TYW1: variants seen among roughly 807,000 people sequenced by gnomAD.
TYW1 encodes the protein S-adenosyl-L-methionine-dependent tRNA 4-demethylwyosine synthase TYW1.
Under a neutral mutation model 96.2 loss-of-function variants are expected in TYW1, and 46 were observed. The observed-to-expected ratio is 0.48, with a 90% CI of 0.38 to 0.61. TYW1 has a LOEUF of 0.61. Ranked by LOEUF, TYW1 falls within the 20% of genes least tolerant of loss-of-function variation. The pLI, the probability that TYW1 is intolerant of heterozygous loss-of-function variation, is 0.00. For synonymous variants in TYW1, 274 were observed against 323.0 expected (o/e 0.85, Z 1.63); for missense variants, 684 against 909.6 (o/e 0.75, Z 3.19).
chr7:67,059,674 T>C (rs1795636141), intron 9 of TYW1, among the ~76,000 whole-genome samples: 1 of 150,584 alleles, frequency 6.6e-6, no homozygotes, highest in South Asian at 2.1e-4. Context: ...TTTCTTAACA[T>C]TAGTGATTCC....
chr7:67,202,983 T>C (rs1014719796), intron 15 of TYW1, among the ~76,000 whole-genome samples: 1 of 152,236 alleles, frequency 6.6e-6, no homozygotes, highest in East Asian at 1.9e-4. Flanking sequence ...ATAGACCTTA[T>C]TCAGATTTCA....
At chr7:67,211,036 A>T (rs1185895644) in intron 15 of TYW1, among the ~76,000 whole-genome samples, 3 of 151,116 alleles carry the variant, frequency 2.0e-5, no homozygotes, top group Non-Finnish European at 4.4e-5. Flanking sequence ...TTTTTTACCT[A>T]GGGTTATAAT....
At chr7:67,155,861 C>G (rs978425430) in intron 13 of TYW1, among the ~76,000 whole-genome samples, 2 of 151,682 alleles carry the variant, frequency 1.3e-5, no homozygotes, top group African/African-American at 4.8e-5. Flanking sequence ...TATGGATTAG[C>G]TTTCAGAGGC....
At chr7:67,227,631 A>G (rs1563080601) in intron 15 of TYW1, among the ~76,000 whole-genome samples, 2 of 151,830 alleles carry the variant, frequency 1.3e-5, no homozygotes, top group Non-Finnish European at 1.5e-5. Flanking sequence ...TATTGGCTCA[A>G]CCTCTGGAGG....
intron 8 of TYW1, among the ~76,000 whole-genome samples, chr7:67,055,077 C>A (rs2115586048): frequency 6.6e-6 from 1 of 152,234 alleles, no homozygotes; most frequent in African/African-American, 2.4e-5. Context: ...TGAAATATAT[C>A]ATTACTTTTG....
intron 7 of TYW1, among the ~76,000 whole-genome samples, chr7:67,038,196 A>G (rs1233259877): frequency 6.6e-6 from 1 of 152,146 alleles, no homozygotes; most frequent in Non-Finnish European, 1.5e-5. Context: ...CCAACTACTC[A>G]GGAGGCTGAG....
chr7:67,190,882 A>C (rs1800184636), intron 14 of TYW1, among the ~76,000 whole-genome samples: 1 of 152,234 alleles, frequency 6.6e-6, no homozygotes, highest in Non-Finnish European at 1.5e-5. Flanking sequence ...TAGAATATCA[A>C]ATAGTCAAAC....
intron 8 of TYW1, among the ~76,000 whole-genome samples, chr7:67,053,984 A>G (rs1795437785): frequency 6.6e-6 from 1 of 152,220 alleles, no homozygotes; most frequent in Non-Finnish European, 1.5e-5. Context: ...TCTTTGCTAC[A>G]TGGCCTGGAA....
intron 15 of TYW1, among the ~76,000 whole-genome samples, chr7:67,199,524 G>T (rs1367103748): frequency 6.6e-6 from 1 of 152,164 alleles, no homozygotes; most frequent in Non-Finnish European, 1.5e-5. Flanking sequence ...GTTCCTGCCT[G>T]ATAAAATGTT....
intron 8 of TYW1, 74 bp from the exon 9 acceptor site, chr7:67,055,761 C>A: frequency 8.0e-7 from 1 of 1,252,986 alleles, no homozygotes; most frequent in Non-Finnish European, 1.1e-6. Flanking sequence ...AAAATTTTTG[C>A]TAAATTTTAA....
At chr7:67,096,459 C>A (rs1358952071) in intron 11 of TYW1, among the ~76,000 whole-genome samples, 2 of 152,126 alleles carry the variant, frequency 1.3e-5, no homozygotes, top group African/African-American at 4.8e-5. Flanking sequence ...ACACGCTTCT[C>A]CCCTAGGCCC....
At position 67,043,305 on chromosome 7, in the gene TYW1, G is replaced by C. The variant is rs1795086995; in HGVS notation, c.985-6644G>C. On this transcript the variant is annotated intron_variant, in intron 7 of 15. Transcript: ENST00000359626. ...GGAGGAGCCTGATAATTTTTATATT[G>C]TTTATTTTCTCTTTCTCTTATGTTG... 4.0e-5 allele frequency among the ~76,000 whole-genome samples: 6 copies of C among 148,626 alleles called. No individual in the cohort carries two copies. The South Asian group carries it at 1.3e-3, about 32-fold the overall frequency.
chr7:67,074,794 C>T (rs1584529350), intron 10 of TYW1, among the ~76,000 whole-genome samples: 2 of 151,876 alleles, frequency 1.3e-5, no homozygotes, highest in East Asian at 3.9e-4. Flanking sequence ...TGCTGTAAGG[C>T]TTAATTGCTT....
chr7:67,198,093 C>G (rs1274197956), intron 15 of TYW1, among the ~76,000 whole-genome samples: 2 of 152,048 alleles, frequency 1.3e-5, no homozygotes, highest in Admixed American at 1.3e-4. Context: ...TTTTCTCTTA[C>G]AACCACAATA....
chr7:67,110,355 G>A (rs1203180281), intron 12 of TYW1, among the ~76,000 whole-genome samples: 1 of 152,148 alleles, frequency 6.6e-6, no homozygotes, highest in Non-Finnish European at 1.5e-5. Context: ...TGAGTAAGCA[G>A]GCAGCGAAAA....
At chr7:67,091,305 A>G (rs546767106) in intron 11 of TYW1, among the ~76,000 whole-genome samples, 3 of 151,878 alleles carry the variant, frequency 2.0e-5, no homozygotes, top group South Asian at 2.1e-4. Context: ...TGAGTAAACT[A>G]TCACAAGGAC....
At chr7:67,203,889 G>A (rs13241738) in intron 15 of TYW1, among the ~76,000 whole-genome samples, 37,791 of 151,572 alleles carry the variant, frequency 0.25, 4,841 homozygotes, top group African/African-American at 0.3. Context: ...CCTGAAGGAT[G>A]TTTTTGGCAG....
intron 13 of TYW1, among the ~76,000 whole-genome samples, chr7:67,125,458 T>A (rs1451086442): frequency 6.6e-6 from 1 of 151,962 alleles, no homozygotes; most frequent in Non-Finnish European, 1.5e-5. Flanking sequence ...GAGCAGAGGG[T>A]CCAGAGATTT....
intron 15 of TYW1, among the ~76,000 whole-genome samples, chr7:67,214,829 A>T (rs955338704): frequency 1.9e-4 from 29 of 150,154 alleles, no homozygotes; most frequent in African/African-American, 7.2e-4. Flanking sequence ...ATGTTGAACC[A>T]GTCTTCCCTA....
Sources: gnomAD v4.1 joint callset for allele counts (sites outside exome capture counted in the v4.1 genomes callset) on GRCh38, gnomAD v4.1.1 for gene constraint, MANE v1.5 for transcripts, NCBI Gene and HGNC (gene_info 2026-07-23, HGNC 2026-07-21) for gene names.